Variants in SAMD12 observed in about 807,000 individuals in gnomAD.
The protein encoded by SAMD12 is sterile alpha motif domain-containing protein 12.
SAMD12 carries 9 observed loss-of-function variants against 15.0 expected under a neutral mutation model. The observed-to-expected ratio is 0.60, with a 90% confidence interval of 0.36 to 1.05. SAMD12 has a LOEUF of 1.05. SAMD12 is among the 50% of genes least tolerant of loss of function. The pLI is 0.01. For missense variants in SAMD12, 230 were observed against 234.2 expected, an observed-to-expected ratio of 0.98 and a Z score of 0.12; for synonymous variants, 86 against 90.1, an observed-to-expected ratio of 0.96 and a Z score of 0.25.
downstream of SAMD12, among the ~76,000 whole-genome samples, chr8:118,376,338 G>A (rs1294503071): frequency 2.0e-5 from 3 of 152,144 alleles, no homozygotes; most frequent in East Asian, 1.9e-4. Context: ...GGTATTGGAC[G>A]GTGGGGCCCT....
At chr8:118,354,914 T>G (rs1050673600) in intron 4 of SAMD12, among the ~76,000 whole-genome samples, 2 of 152,214 alleles carry the variant, frequency 1.3e-5, no homozygotes, top group African/African-American at 4.8e-5. Context: ...AAATACTGAC[T>G]TGGATAATAA....
chr8:118,509,346 C>T (rs1825009721), intron 2 of SAMD12, among the ~76,000 whole-genome samples: 1 of 152,210 alleles, frequency 6.6e-6, no homozygotes, highest in Non-Finnish European at 1.5e-5. Flanking sequence ...TGATTAAACT[C>T]ACAGGCCAGA....
At chr8:118,429,695 A>G (rs1345271151) in intron 3 of SAMD12, among the ~76,000 whole-genome samples, 1 of 152,128 alleles carries the variant, frequency 6.6e-6, no homozygotes, top group Non-Finnish European at 1.5e-5. Context: ...GTAGTTTGAG[A>G]CCAATCTGGC....
chr8:118,567,140 A>C (rs1005705148), intron 2 of SAMD12, among the ~76,000 whole-genome samples: 1 of 152,172 alleles, frequency 6.6e-6, no homozygotes, highest in Non-Finnish European at 1.5e-5. Flanking sequence ...CTCATGAGGT[A>C]GATAGTATTA....
intron 2 of SAMD12, among the ~76,000 whole-genome samples, chr8:118,549,095 G>C (rs112570694): frequency 0.018 from 2,705 of 152,360 alleles, 84 homozygotes; most frequent in African/African-American, 0.061. Context: ...CACCTCTGGG[G>C]GCAGGGCACA....
intron 3 of SAMD12, among the ~76,000 whole-genome samples, chr8:118,402,881 T>G (rs866760729): frequency 1.1e-4 from 17 of 152,308 alleles, no homozygotes; most frequent in Middle Eastern, 3.4e-3. Flanking sequence ...TCTTTTATTG[T>G]TTTTCTTCAT....
chr8:118,579,122 A>T (rs1827221451), intron 2 of SAMD12, among the ~76,000 whole-genome samples: 1 of 152,186 alleles, frequency 6.6e-6, no homozygotes, highest in Admixed American at 6.6e-5. Flanking sequence ...TATATTACCA[A>T]TATCTTTACA....
At chr8:118,251,518 T>C (rs1812820118) in intron 4 of SAMD12, among the ~76,000 whole-genome samples, 1 of 152,148 alleles carries the variant, frequency 6.6e-6, no homozygotes, top group Non-Finnish European at 1.5e-5. Context: ...GTGTGCACTG[T>C]AAACCTTTTG....
chr8:118,489,242 A>C (rs184193568), intron 2 of SAMD12, among the ~76,000 whole-genome samples: 6 of 152,308 alleles, frequency 3.9e-5, no homozygotes, highest in Admixed American at 6.5e-5. Context: ...TCTGGATATA[A>C]GTCTTTGCTG....
chr8:118,237,282 C>G (rs372382515), intron 4 of SAMD12, among the ~76,000 whole-genome samples: 3 of 150,648 alleles, frequency 2.0e-5, no homozygotes, highest in Non-Finnish European at 4.4e-5. Flanking sequence ...GACTAATGAT[C>G]GTACCTACCT....
intron 4 of SAMD12, among the ~76,000 whole-genome samples, chr8:118,226,734 A>G (rs1257572568): frequency 6.6e-6 from 1 of 152,196 alleles, no homozygotes; most frequent in African/African-American, 2.4e-5. Context: ...CTGTGTAGTA[A>G]CTGAGATAGG....
At chr8:118,440,082 T>C (rs1563861440) in intron 2 of SAMD12, 121 bp from the exon 3 acceptor site, 3 of 943,514 alleles carry the variant, frequency 3.2e-6, no homozygotes. Flanking sequence ...AATATCTAGT[T>C]CTTGTCTTTC....
At chr8:118,272,271 G>A (rs1299398085) in intron 4 of SAMD12, among the ~76,000 whole-genome samples, 3 of 152,222 alleles carry the variant, frequency 2.0e-5, no homozygotes, top group African/African-American at 7.2e-5. Flanking sequence ...AAGAGCCTGA[G>A]CTGTACCTTG....
chr8:118,601,920 A>AT (rs1827874279), intron 1 of SAMD12, among the ~76,000 whole-genome samples: 1 of 152,184 alleles, frequency 6.6e-6, no homozygotes, highest in African/African-American at 2.4e-5. Context: ...AAAAAGACCT[A>AT]TTCAGCAGAA....
At chr8:118,531,906 G>A (rs1419689750) in intron 2 of SAMD12, among the ~76,000 whole-genome samples, 1 of 152,068 alleles carries the variant, frequency 6.6e-6, no homozygotes, top group Non-Finnish European at 1.5e-5. Context: ...TTTCCTAATT[G>A]AATACCCTTT....
intron 2 of SAMD12, among the ~76,000 whole-genome samples, chr8:118,463,979 T>C (rs1469502290): frequency 6.6e-6 from 1 of 152,182 alleles, no homozygotes; most frequent in African/African-American, 2.4e-5. Context: ...ATTTAATCTC[T>C]CTGTGAGACT....
intron 2 of SAMD12, among the ~76,000 whole-genome samples, chr8:118,559,730 T>A (rs1319654464): frequency 3.3e-5 from 5 of 152,174 alleles, no homozygotes; most frequent in Non-Finnish European, 7.3e-5. Context: ...TTAGGTGACA[T>A]GCATAGAAAA....
intron 4 of SAMD12, among the ~76,000 whole-genome samples, chr8:118,232,524 C>A (rs571746957): frequency 6.6e-6 from 1 of 152,146 alleles, no homozygotes; most frequent in African/African-American, 2.4e-5. Flanking sequence ...TCTGCTATAT[C>A]AGCAGAGGAA....
At chr8:118,375,210 T>C (rs1443576343), downstream of SAMD12, among the ~76,000 whole-genome samples, 1 of 152,154 alleles carries the variant, frequency 6.6e-6, no homozygotes, top group African/African-American at 2.4e-5. Flanking sequence ...GAGATGGAAA[T>C]TATTAGCCCA....
Sources: allele counts gnomAD v4.1 joint callset (sites outside exome capture counted in the v4.1 genomes callset), GRCh38; gene constraint gnomAD v4.1.1; transcripts MANE v1.5; gene names NCBI Gene and HGNC (gene_info 2026-07-23, HGNC 2026-07-21).